The following YARS1 variants were observed in gnomAD, a reference collection of about 807,000 sequenced individuals.
YARS1 encodes tyrosine--tRNA ligase, cytoplasmic.
YARS1 carries 36 observed loss-of-function variants against 62.2 expected under a neutral mutation model. That is an observed-to-expected ratio of 0.58 (90% CI 0.44 to 0.76). The LOEUF is 0.76. YARS1 is among the 30% of genes least tolerant of loss of function. YARS1 has a pLI of 0.00. For synonymous variants in YARS1, 234 were observed against 244.9 expected (o/e 0.96, Z 0.42); for missense variants, 524 against 639.8 (o/e 0.82, Z 1.95).
At position 32,776,037 on chromosome 1, in the gene YARS1, T is replaced by C. The variant is rs1569696187; in HGVS notation, c.1531A>G (p.Met511Val). The C allele has an allele frequency of 4.3e-6, 7 of 1,614,068 alleles. No homozygotes were observed. The highest frequency in any genetic ancestry group is 5.9e-6 in the Non-Finnish European group (7 of 1,180,046). Residue 511 changes from methionine (M) to valine (V), a missense_variant, in exon 13 of 13, where the codon ATG (methionine) becomes GTG (valine). Physicochemically the swap from Met to Val is conservative, Grantham distance 21. Transcript: ENST00000373477. The surrounding 1 kb of genome is among the most constrained non-coding windows in gnomAD (Gnocchi z 4.0). ...CIAQWKQTNF[M>V]TKLGSISCKS... is the part of the protein sequence containing the mutation. ...CAGGAAATGGAGCCCAGCTTGGTCA[T>C]GAAGTTGGTTTGCTTCCACTGTGCG...
At chr1:32,803,126 T>A (rs948652930) in intron 4 of YARS1, among the ~76,000 whole-genome samples, 1 of 151,700 alleles carries the variant, frequency 6.6e-6, no homozygotes, top group Non-Finnish European at 1.5e-5. Flanking sequence ...GGGACTACAG[T>A]TGCGCACCAC....
Position 32,776,123 on chromosome 1 carries a change from A to C in YARS1, c.1477-32T>G. On this transcript the variant is annotated intron_variant, in intron 12 of 12. Transcript: ENST00000373477. This position sits in a 1 kb window ranked among gnomAD's most constrained non-coding sequence, Gnocchi z 4.0. Reference sequence around the variant, plus strand: ...AAGACAGATAAGAGAGATTTTAATGATGGTGGTGGGACTGCAAGAAAACCC... The same window carrying C: ...AAGACAGATAAGAGAGATTTTAATGCTGGTGGTGGGACTGCAAGAAAACCC... 6.4e-7 allele frequency: 1 copy of C among 1,568,702 alleles called. No individual in the cohort carries two copies. Among genetic ancestry groups the C allele is most frequent in the Non-Finnish European group, 8.8e-7 (1 of 1,141,462 alleles).
At chr1:32,791,321 AT>A in intron 5 of YARS1, 67 bp from the exon 6 acceptor site, 1 of 1,286,902 alleles carries the variant, frequency 7.8e-7, no homozygotes, top group South Asian at 1.2e-5. Flanking sequence ...CCCTGATCTC[AT>A]CTGACTTGGC....
chr1:32,804,857 G>A (rs940565342), intron 4 of YARS1, among the ~76,000 whole-genome samples: 3 of 152,110 alleles, frequency 2.0e-5, no homozygotes, highest in East Asian at 1.9e-4. Context: ...CTGCAATCTC[G>A]GCACTTTGGG....
At chr1:32,816,923 G>T in intron 1 of YARS1, 1 of 592,246 alleles carries the variant, frequency 1.7e-6, no homozygotes, top group South Asian at 2.0e-5. Context: ...TAATAGGGGG[G>T]TGGAATGGGA....
intron 5 of YARS1, among the ~76,000 whole-genome samples, chr1:32,794,268 T>C (rs1294433533): frequency 2.0e-5 from 3 of 152,078 alleles, no homozygotes; most frequent in Non-Finnish European, 4.4e-5. Context: ...GAGAATCCCT[T>C]GAACCAGGGA....
In YARS1 at chr1:32,775,594, C is replaced by T. The variant is rs1412439810; in HGVS notation, c.*387G>A. The T allele has an allele frequency of 8.7e-6, 2 of 228,828 alleles. No homozygotes were observed. The highest frequency in any genetic ancestry group is 4.5e-5 in the African/African-American group (2 of 44,492). 14.2% of individuals were successfully genotyped at this position (228,828 alleles called of 1,614,324 possible). A position where few individuals can be genotyped will look rare whatever the true frequency, so the allele number is the denominator to read the frequency against. On this transcript the variant is annotated 3_prime_UTR_variant, in exon 13 of 13. Transcript: ENST00000373477. Reference sequence around the variant, plus strand: ...AGCTGTAATTAGCCTAGTCCAGGTACCAGATCCCAGCTAGGGGCGCAGCTG... The same window carrying T: ...AGCTGTAATTAGCCTAGTCCAGGTATCAGATCCCAGCTAGGGGCGCAGCTG...
At position 32,817,293 on chromosome 1, in the gene YARS1, T is replaced by C; in HGVS notation, c.-49A>G. 1.2e-6 allele frequency: 2 copies of C among 1,609,954 alleles called. No homozygotes were observed. The highest frequency in any genetic ancestry group is 1.7e-6 in the Non-Finnish European group (2 of 1,177,810). On this transcript the variant is annotated 5_prime_UTR_variant, in exon 1 of 13. Coordinates refer to ENST00000373477, the MANE Select transcript of YARS1 (RefSeq NM_003680.4). Reference sequence around the variant, plus strand: ...CGCTCAGCCCGGCACCAGAGCCCCTTCCTGGGTCACCGTCGCCGCCGCGTG... The same window carrying C: ...CGCTCAGCCCGGCACCAGAGCCCCTCCCTGGGTCACCGTCGCCGCCGCGTG...
chr1:32,797,846 G>C lies in YARS1; in HGVS notation c.511-3C>G. On this transcript the variant is annotated splice_region_variant and splice_polypyrimidine_tract_variant and intron_variant, in intron 4 of 12. Coordinates refer to ENST00000373477, the MANE Select transcript of YARS1 (RefSeq NM_003680.4). Reference sequence around the variant, plus strand: ...TTTAAATACTCTTCATCCAAAGCCTGTGGAAAGAAACACATGAACATAAAC... The same window carrying C: ...TTTAAATACTCTTCATCCAAAGCCTCTGGAAAGAAACACATGAACATAAAC... 6.2e-7 allele frequency: 1 copy of C among 1,613,216 alleles called. No homozygotes were observed. Among genetic ancestry groups the C allele is most frequent in the Non-Finnish European group, 8.5e-7 (1 of 1,179,248 alleles).
At chr1:32,799,263 T>C (rs1013545771) in intron 4 of YARS1, among the ~76,000 whole-genome samples, 1 of 152,214 alleles carries the variant, frequency 6.6e-6, no homozygotes, top group Non-Finnish European at 1.5e-5. Context: ...TAGTGACTGA[T>C]GAGGTTAGAA....
intron 5 of YARS1, among the ~76,000 whole-genome samples, chr1:32,794,281 C>T (rs962587374): frequency 1.3e-5 from 2 of 151,860 alleles, no homozygotes; most frequent in Non-Finnish European, 2.9e-5. Flanking sequence ...ACCAGGGAGA[C>T]GGATGTTGCA....
intron 4 of YARS1, among the ~76,000 whole-genome samples, chr1:32,806,143 G>T (rs963589829): frequency 2.6e-5 from 4 of 152,198 alleles, no homozygotes; most frequent in African/African-American, 9.7e-5. Context: ...TACTTATTAA[G>T]TTCGTTGTCT....
intron 5 of YARS1, among the ~76,000 whole-genome samples, chr1:32,794,452 C>T (rs557378408): frequency 1.3e-5 from 2 of 152,200 alleles, no homozygotes; most frequent in African/African-American, 4.8e-5. Flanking sequence ...TGCAATGGTG[C>T]GATCTCAGTT....
chr1:32,780,195 C>A lies in YARS1; in HGVS notation c.1224G>T (p.Gln408His), dbSNP rs189171835. The change falls in exon 11 of 13, where the codon CAG (glutamine) becomes CAT (histidine). Residue 408 changes from glutamine (Q) to histidine (H), a missense_variant. Transcript: ENST00000373477. ...EPRTVVSGLV[Q>H]FVPKEELQDR... is the part of the protein sequence containing the mutation. ...CCTGCAGTTCCTCCTTGGGCACGAA[C>A]TGTACCAGGCCGCTCACCACAGTCC... 6.2e-7 allele frequency: 1 copy of A among 1,614,200 alleles called. No homozygotes were observed. The highest frequency in any genetic ancestry group is 8.5e-7 in the Non-Finnish European group (1 of 1,180,044).
In YARS1 at chr1:32,785,182, G is replaced by A. The variant is rs559439165; in HGVS notation, c.906+1180C>T. Reference sequence around the variant, plus strand: ...GGAGAGCATAAACAGAGCCCTGGCCGGGCACAGGGGCTCACGCCTGTAATC... The same window carrying A: ...GGAGAGCATAAACAGAGCCCTGGCCAGGCACAGGGGCTCACGCCTGTAATC... On this transcript the variant is annotated intron_variant, in intron 8 of 12. Transcript: ENST00000373477. 4.6e-5 allele frequency among the ~76,000 whole-genome samples: 7 copies of A among 152,178 alleles called. No individual in the cohort carries two copies. In the East Asian group the frequency reaches 5.8e-4, roughly 13 times the overall value.
At chr1:32,782,643 T>C (rs1400548207) in intron 8 of YARS1, 104 bp from the exon 9 acceptor site, 5 of 1,483,876 alleles carry the variant, frequency 3.4e-6, no homozygotes, top group East Asian at 2.3e-5. Context: ...ACAGTCTTAT[T>C]TGATCCTTGT....
At chr1:32,793,522 T>C (rs143769233) in intron 5 of YARS1, among the ~76,000 whole-genome samples, 261 of 152,094 alleles carry the variant, frequency 1.7e-3, no homozygotes, top group Non-Finnish European at 3.1e-3. Flanking sequence ...CACATGCCCA[T>C]AGTCCCAGCT....
At chr1:32,811,309 C>T (rs1247018531) in intron 1 of YARS1, 8 of 546,792 alleles carry the variant, frequency 1.5e-5, no homozygotes, top group Non-Finnish European at 2.3e-5. Flanking sequence ...AGCCTCTTAC[C>T]CACCCCCCTT....
In YARS1 at chr1:32,782,496, A is replaced by C; in HGVS notation, c.950T>G (p.Leu317Arg). 1 of 1,614,180 alleles carries C rather than the reference A, an allele frequency of 6.2e-7. No individual in the cohort carries two copies. The highest frequency in any genetic ancestry group is 8.5e-7 in the Non-Finnish European group (1 of 1,180,036). ...GDLKNSVEVA[L>R]NKLLDPIREK... ...CCGGATTGGATCCAGCAACTTGTTC[A>C]GTGCGACTTCAACAGAATTCTTCAG... is the stretch of plus-strand genomic sequence containing the variant. The change falls in exon 9 of 13, where the codon CTG becomes CGG. Residue 317 changes from leucine (L) to arginine (R), a missense_variant. Coordinates refer to ENST00000373477, the MANE Select transcript of YARS1 (RefSeq NM_003680.4).
Sources: gnomAD v4.1 joint callset for allele counts (sites outside exome capture counted in the v4.1 genomes callset) on GRCh38, gnomAD v4.1.1 for gene constraint, Gnocchi (gnomAD v3.1) non-coding constraint, MANE v1.5 for transcripts, NCBI Gene and HGNC (gene_info 2026-07-23, HGNC 2026-07-21) for gene names.